Variants in DPYD observed in about 807,000 individuals in gnomAD.
The protein encoded by DPYD is dihydropyrimidine dehydrogenase.
In DPYD, 109 loss-of-function variants were observed where a neutral mutation model predicts 116.2. The ratio of observed to expected loss-of-function variants is 0.94; its 90% CI spans 0.80 to 1.10. The LOEUF (loss-of-function observed/expected upper bound fraction) is 1.10. DPYD is among the 50% of genes least tolerant of loss of function. The probability of loss-of-function intolerance (pLI) is 0.00; values close to 1 mark genes in which losing one functional copy is unlikely to be tolerated. For missense variants in DPYD, 1,302 were observed against 1,254.5 expected, an observed-to-expected ratio of 1.04 and a Z score of -0.57; for synonymous variants, 440 against 432.0, an observed-to-expected ratio of 1.02 and a Z score of -0.23.
chr1:97,910,462 T>C (rs189906479), intron 1 of DPYD, among the ~76,000 whole-genome samples: 31 of 152,208 alleles, frequency 2.0e-4, no homozygotes, highest in Admixed American at 4.6e-4. Flanking sequence ...ACTTGCCACA[T>C]GCTGGAACTA....
At chr1:97,265,744 T>G (rs527903331) in intron 18 of DPYD, among the ~76,000 whole-genome samples, 2 of 152,312 alleles carry the variant, frequency 1.3e-5, no homozygotes, top group South Asian at 4.1e-4. Flanking sequence ...ATTAAACTTT[T>G]AAATACAATT....
intron 14 of DPYD, among the ~76,000 whole-genome samples, chr1:97,429,924 G>A (rs753694387): frequency 6.6e-6 from 1 of 152,106 alleles, no homozygotes; most frequent in Non-Finnish European, 1.5e-5. Context: ...TTTAAGAAAA[G>A]AAGTATGATA....
intron 12 of DPYD, among the ~76,000 whole-genome samples, chr1:97,523,824 A>C (rs1648860247): frequency 6.6e-6 from 1 of 152,136 alleles, no homozygotes; most frequent in Non-Finnish European, 1.5e-5. Context: ...TGTGTAAAAA[A>C]GGGAGACAGA....
intron 14 of DPYD, among the ~76,000 whole-genome samples, chr1:97,444,508 T>C (rs910842947): frequency 6.6e-6 from 1 of 152,160 alleles, no homozygotes; most frequent in Non-Finnish European, 1.5e-5. Flanking sequence ...TATTTAATAA[T>C]ATAGGTCAAG....
chr1:97,133,143 T>G (rs1653464006), intron 20 of DPYD, among the ~76,000 whole-genome samples: 1 of 152,026 alleles, frequency 6.6e-6, no homozygotes, highest in Admixed American at 6.6e-5. Context: ...TTAAAAAAAT[T>G]TAGCTTAGCC....
At chr1:97,138,868 T>C (rs1653995302) in intron 20 of DPYD, among the ~76,000 whole-genome samples, 1 of 152,140 alleles carries the variant, frequency 6.6e-6, no homozygotes, top group Admixed American at 6.6e-5. Context: ...TATGAGTTAC[T>C]GTGCAGCACC....
At chr1:97,912,774 C>T (rs1197470178) in intron 1 of DPYD, among the ~76,000 whole-genome samples, 1 of 152,052 alleles carries the variant, frequency 6.6e-6, no homozygotes, top group East Asian at 1.9e-4. Flanking sequence ...CCCTAGAGAT[C>T]TGTAAGGGGA....
intron 3 of DPYD, among the ~76,000 whole-genome samples, chr1:97,779,745 CT>C (rs529432309): frequency 8.6e-5 from 13 of 150,618 alleles, no homozygotes; most frequent in East Asian, 3.9e-4. Context: ...CTGGTTGCAT[CT>C]TTTTTTTTGG....
At chr1:97,238,620 A>G (rs1176738648) in intron 18 of DPYD, among the ~76,000 whole-genome samples, 1 of 152,212 alleles carries the variant, frequency 6.6e-6, no homozygotes, top group African/African-American at 2.4e-5. Context: ...TTAAAATCAT[A>G]AAGACTTCCT....
At chr1:97,708,232 A>G (rs1032307213) in intron 5 of DPYD, among the ~76,000 whole-genome samples, 5 of 152,200 alleles carry the variant, frequency 3.3e-5, no homozygotes, top group Admixed American at 6.6e-5. Context: ...GTCTAACCGA[A>G]GGTCATCTAC....
At chr1:97,411,752 T>C (rs1311240009) in intron 14 of DPYD, among the ~76,000 whole-genome samples, 1 of 152,192 alleles carries the variant, frequency 6.6e-6, no homozygotes, top group African/African-American at 2.4e-5. Flanking sequence ...CTCAGAAGCA[T>C]GACAAAGTGA....
chr1:97,274,809 T>A (rs146667622), intron 18 of DPYD, among the ~76,000 whole-genome samples: 422 of 152,278 alleles, frequency 2.8e-3, no homozygotes, highest in African/African-American at 9.9e-3. Context: ...AACCATTGTA[T>A]CCTAGTGTGT....
At chr1:97,352,192 A>C (rs1284754002) in intron 16 of DPYD, among the ~76,000 whole-genome samples, 5 of 152,196 alleles carry the variant, frequency 3.3e-5, no homozygotes, top group Non-Finnish European at 5.9e-5. Context: ...AAAGTGGAGG[A>C]GGTCAGACAA....
chr1:97,173,305 T>TATATGTAGAC (rs1557911770), intron 20 of DPYD, among the ~76,000 whole-genome samples: 1 of 140,318 alleles, frequency 7.1e-6, no homozygotes. Context: ...CATATGTACA[T>TATATGTAGAC]ATATATGCAC....
intron 4 of DPYD, among the ~76,000 whole-genome samples, chr1:97,722,602 T>C (rs148346376): frequency 1.3e-5 from 2 of 151,668 alleles, no homozygotes; most frequent in East Asian, 1.9e-4. Context: ...TATAAACATA[T>C]TGCATTTATT....
At chr1:97,446,781 T>C (rs577705606) in intron 14 of DPYD, among the ~76,000 whole-genome samples, 1 of 152,244 alleles carries the variant, frequency 6.6e-6, no homozygotes, top group South Asian at 2.1e-4. Flanking sequence ...CATAAGGCGT[T>C]TGCATTGAGA....
At chr1:97,182,649 T>C (rs567313869) in intron 20 of DPYD, among the ~76,000 whole-genome samples, 26 of 152,214 alleles carry the variant, frequency 1.7e-4, no homozygotes, top group African/African-American at 5.5e-4. Flanking sequence ...GAAGATAACA[T>C]GGACAAGAAG....
At chr1:97,486,584 C>G (rs535946373) in intron 13 of DPYD, among the ~76,000 whole-genome samples, 30 of 152,196 alleles carry the variant, frequency 2.0e-4, no homozygotes, top group African/African-American at 7.2e-4. Context: ...TCAGATAGAT[C>G]ACTTTAATTT....
chr1:97,606,850 C>G (rs987823447), intron 8 of DPYD, among the ~76,000 whole-genome samples: 1 of 151,850 alleles, frequency 6.6e-6, no homozygotes, highest in East Asian at 1.9e-4. Context: ...TCTTCTTAAC[C>G]AGGATTACTA....
Sources: allele counts gnomAD v4.1 joint callset (sites outside exome capture counted in the v4.1 genomes callset), GRCh38; gene constraint gnomAD v4.1.1; transcripts MANE v1.5; gene names NCBI Gene and HGNC (gene_info 2026-07-23, HGNC 2026-07-21).